ATP9B: variants seen among roughly 807,000 people sequenced by gnomAD.
ATP9B encodes probable phospholipid-transporting ATPase IIB.
ATP9B carries 110 observed loss-of-function variants against 146.1 expected under a neutral mutation model. The observed-to-expected ratio is 0.75, with a 90% CI of 0.65 to 0.88. The LOEUF (loss-of-function observed/expected upper bound fraction) is 0.88. Among genes scored for constraint, ATP9B ranks in the 40% least tolerant of loss-of-function variants. The pLI is 0.00. For synonymous variants in ATP9B, 604 were observed against 569.7 expected, an observed-to-expected ratio of 1.06 and a Z score of -0.86; for missense variants, 1,499 against 1,496.4, an observed-to-expected ratio of 1.00 and a Z score of -0.03.
chr18:79,224,547 A>G (rs2095710796), intron 11 of ATP9B, among the ~76,000 whole-genome samples: 1 of 152,152 alleles, frequency 6.6e-6, no homozygotes, highest in Admixed American at 6.5e-5. Context: ...GTCTCATGCA[A>G]ATGGATTCCC....
chr18:79,085,559 C>T (rs1411178871), intron 1 of ATP9B: 1 of 152,130 alleles, frequency 6.6e-6, no homozygotes, highest in Non-Finnish European at 1.5e-5. Flanking sequence ...ATTTTTCCTT[C>T]GCATTGTTGA....
intron 12 of ATP9B, among the ~76,000 whole-genome samples, chr18:79,256,875 A>C (rs762577975): frequency 1.3e-5 from 2 of 152,174 alleles, no homozygotes; most frequent in Non-Finnish European, 2.9e-5. Flanking sequence ...CATATTCTTG[A>C]TCAGTCTTTT....
chr18:79,267,035 A>G (rs939939580), intron 12 of ATP9B, among the ~76,000 whole-genome samples: 3 of 151,882 alleles, frequency 2.0e-5, no homozygotes, highest in African/African-American at 7.2e-5. Flanking sequence ...TTTCCTGAAC[A>G]TTTACATAAG....
At chr18:79,328,996 G>A in intron 15 of ATP9B, 145 bp from the exon 16 acceptor site, 1 of 714,248 alleles carries the variant, frequency 1.4e-6, no homozygotes, top group East Asian at 3.0e-5. Flanking sequence ...TATATACTTA[G>A]CCGTGAAAAC....
chr18:79,296,495 T>TA (rs2096548800), intron 13 of ATP9B, among the ~76,000 whole-genome samples: 4 of 152,308 alleles, frequency 2.6e-5, no homozygotes, highest in Non-Finnish European at 5.9e-5. Context: ...AATAACGAGG[T>TA]AAAAAACAGA....
chr18:79,342,040 C>T (rs1319243568), intron 19 of ATP9B, among the ~76,000 whole-genome samples: 3 of 152,208 alleles, frequency 2.0e-5, no homozygotes, highest in African/African-American at 7.2e-5. Flanking sequence ...TTTCACTCAG[C>T]GTAATGTCCT....
intron 9 of ATP9B, among the ~76,000 whole-genome samples, chr18:79,200,637 C>T (rs138065896): frequency 0.071 from 199 of 2,788 alleles, no homozygotes; most frequent in African/African-American, 0.27. Flanking sequence ...AAAGGTTTCT[C>T]GGAAATTGCC....
At chr18:79,112,889 A>G (rs182145102) in intron 3 of ATP9B, among the ~76,000 whole-genome samples, 549 of 152,276 alleles carry the variant, frequency 3.6e-3, no homozygotes, top group Non-Finnish European at 4.2e-3. Flanking sequence ...AGGTTTTGCT[A>G]TCTAACTTTT....
chr18:79,135,921 T>C (rs1005697668), intron 5 of ATP9B, among the ~76,000 whole-genome samples: 2 of 152,224 alleles, frequency 1.3e-5, no homozygotes, highest in African/African-American at 4.8e-5. Context: ...TGCATTGCCT[T>C]TAAACTCTTC....
intron 1 of ATP9B, among the ~76,000 whole-genome samples, chr18:79,084,962 G>T (rs1185244422): frequency 6.6e-6 from 1 of 150,748 alleles, no homozygotes; most frequent in African/African-American, 2.4e-5. Context: ...GTCCATTCTT[G>T]CATTACTATA....
chr18:79,342,204 T>G, intron 19 of ATP9B, 64 bp from the exon 20 acceptor site: 12 of 1,299,148 alleles, frequency 9.2e-6, no homozygotes, highest in African/African-American at 2.9e-5. Flanking sequence ...GTGAATTATG[T>G]GAGACATCAG....
rs190867625 is a variant in ATP9B at position 79,136,335 on chromosome 18, A to C, written c.668-7467A>C. Among the ~76,000 whole-genome samples, 604 of 152,260 alleles carry C rather than the reference A, an allele frequency of 4.0e-3. 11 individuals carry two copies. Among genetic ancestry groups the C allele is most frequent in the Admixed American group, 0.026 (397 of 15,302 alleles). ...TCCCCTTTAAAATTTTTTTCTCAGC[A>C]GTGTTTTGTTGTTTTTTGAGGGTTA... On this transcript the variant is annotated intron_variant, in intron 5 of 29. Coordinates refer to ENST00000426216, the MANE Select transcript of ATP9B (RefSeq NM_198531.5).
At chr18:79,157,787 C>T (rs1043533435) in intron 7 of ATP9B, among the ~76,000 whole-genome samples, 4 of 152,248 alleles carry the variant, frequency 2.6e-5, no homozygotes, top group East Asian at 1.9e-4. Context: ...ATCTAATCTG[C>T]GGCCGTGCAG....
intron 10 of ATP9B, among the ~76,000 whole-genome samples, chr18:79,212,405 A>G (rs1259557046): frequency 6.6e-6 from 1 of 152,242 alleles, no homozygotes; most frequent in African/African-American, 2.4e-5. Flanking sequence ...AGGCCACTCT[A>G]GAGTCCACTT....
chr18:79,215,852 G>A (rs1215859949), intron 11 of ATP9B, among the ~76,000 whole-genome samples: 2 of 151,986 alleles, frequency 1.3e-5, no homozygotes, highest in African/African-American at 4.8e-5. Flanking sequence ...ACCCCACCTG[G>A]CTAATTTTCA....
intron 8 of ATP9B, among the ~76,000 whole-genome samples, chr18:79,183,012 T>C (rs552756050): frequency 3.3e-5 from 5 of 152,354 alleles, no homozygotes; most frequent in African/African-American, 1.2e-4. Flanking sequence ...CCAGTCTGCA[T>C]TGGCCATCAG....
chr18:79,192,047 G>A lies in ATP9B; in HGVS notation c.874-1136G>A, dbSNP rs562220191. Reference sequence around the variant, plus strand: ...ATTAGGGAGCTGCTGTGGTGTTCTCGGTTCCATTCGTTTAGTGGATATAGT... The same window carrying A: ...ATTAGGGAGCTGCTGTGGTGTTCTCAGTTCCATTCGTTTAGTGGATATAGT... On this transcript the variant is annotated intron_variant, in intron 8 of 29. Coordinates refer to ENST00000426216, the MANE Select transcript of ATP9B (RefSeq NM_198531.5). Among the ~76,000 whole-genome samples, 10 of 152,100 alleles carry A rather than the reference G, an allele frequency of 6.6e-5. No homozygotes were observed. The East Asian group carries it at 9.7e-4, about 15-fold the overall frequency.
At chr18:79,281,573 A>G (rs2096377174) in intron 13 of ATP9B, among the ~76,000 whole-genome samples, 1 of 152,264 alleles carries the variant, frequency 6.6e-6, no homozygotes, top group South Asian at 2.1e-4. Flanking sequence ...TGTATCTGAT[A>G]CTTAAAAGAA....
chr18:79,149,076 C>A (rs1266862731), intron 6 of ATP9B, among the ~76,000 whole-genome samples: 1 of 152,166 alleles, frequency 6.6e-6, no homozygotes, highest in East Asian at 1.9e-4. Flanking sequence ...ATTCTGCATT[C>A]CAGTTTTCCC....
Sources: allele counts gnomAD v4.1 joint callset (sites outside exome capture counted in the v4.1 genomes callset), GRCh38; gene constraint gnomAD v4.1.1; transcripts MANE v1.5; gene names NCBI Gene and HGNC (gene_info 2026-07-23, HGNC 2026-07-21).